Variants in DAPK1 observed in about 807,000 individuals in gnomAD.
DAPK1 encodes the protein death associated protein kinase 1, also known as death-associated protein kinase 1.
DAPK1 carries 56 observed loss-of-function variants against 144.9 expected under a neutral mutation model. That is an observed-to-expected ratio of 0.39 (90% confidence interval 0.31 to 0.48). The LOEUF is 0.48. Among genes scored for constraint, DAPK1 ranks in the 20% least tolerant of loss-of-function variants. DAPK1 has a pLI of 0.95. For synonymous variants in DAPK1, 690 were observed against 749.0 expected (o/e 0.92, Z 1.29); for missense variants, 1,454 against 1,875.4 (o/e 0.78, Z 4.15).
intron 2 of DAPK1, among the ~76,000 whole-genome samples, chr9:87,516,506 G>A (rs1318193629): frequency 6.6e-6 from 1 of 152,018 alleles, no homozygotes; most frequent in Non-Finnish European, 1.5e-5. Context: ...TATCCTGCTT[G>A]CTGTCTTGGT....
chr9:87,518,974 A>G (rs1052409232), intron 2 of DAPK1, among the ~76,000 whole-genome samples: 1 of 152,174 alleles, frequency 6.6e-6, no homozygotes, highest in African/African-American at 2.4e-5. Context: ...CGCAGGAAGC[A>G]CTGCTCTGAG....
rs1244151226 is a variant in DAPK1, at chr9:87,696,929, G to A, written c.2414-78G>A. On this transcript the variant is annotated intron_variant, in intron 21 of 25. Transcript: ENST00000408954. ...GTATCACTATGCCTACTTCGAATCC[G>A]TGGAACGCTAAGAGAATTTATGATT... 18 of 809,620 alleles carry A rather than the reference G, an allele frequency of 2.2e-5. No homozygotes were observed. In the East Asian group the frequency reaches 2.7e-4, roughly 12 times the overall value. 50.2% of individuals were successfully genotyped at this position (809,620 alleles called of 1,614,324 possible).
intron 2 of DAPK1, among the ~76,000 whole-genome samples, chr9:87,563,209 A>G (rs12001404): frequency 0.23 from 35,373 of 152,222 alleles, 4,640 homozygotes; most frequent in Non-Finnish European, 0.31. Context: ...TAAGTTTATA[A>G]GTACATGCAT....
chr9:87,632,249 G>A, intron 3 of DAPK1: 1 of 982,116 alleles, frequency 1.0e-6, no homozygotes, highest in Non-Finnish European at 1.2e-6. Flanking sequence ...ATATAGGAGT[G>A]AAGGGTGATC....
chr9:87,632,515 T>G lies in DAPK1; in HGVS notation c.285-5428T>G, dbSNP rs80206277. 2.0e-3 allele frequency: 1,905 copies of G among 967,224 alleles called. 43 individuals are homozygous for G. The East Asian group carries it at 0.061, about 31-fold the overall frequency. The allele number at this position is 967,224 out of a possible 1,614,324, so 59.9% of individuals were successfully genotyped here. A position where few individuals can be genotyped will look rare whatever the true frequency, so the allele number is the denominator to read the frequency against. On this transcript the variant is annotated intron_variant, in intron 3 of 25. Coordinates refer to ENST00000408954, the MANE Select transcript of DAPK1 (RefSeq NM_004938.4). ...ATGTAGGGATGAAGGAAGATGACAA[T>G]ATATATAGAAATGAAGGAAGATGAG...
At chr9:87,651,193 T>C (rs546649381) in intron 16 of DAPK1, among the ~76,000 whole-genome samples, 2 of 152,366 alleles carry the variant, frequency 1.3e-5, no homozygotes, top group South Asian at 4.1e-4. Flanking sequence ...CAAATGTTTT[T>C]AAAAGTGTTT....
intron 2 of DAPK1, among the ~76,000 whole-genome samples, chr9:87,510,275 G>T (rs1272635871): frequency 6.6e-6 from 1 of 152,138 alleles, no homozygotes; most frequent in South Asian, 2.1e-4. Flanking sequence ...AGTGTGATTT[G>T]GGCATTGAAT....
intron 2 of DAPK1, among the ~76,000 whole-genome samples, chr9:87,558,506 A>G (rs4878100): frequency 0.71 from 101,940 of 143,712 alleles, 35,718 homozygotes; most frequent in African/African-American, 0.88. Flanking sequence ...ATAAGTACAC[A>G]TATGCACACA....
intron 2 of DAPK1, among the ~76,000 whole-genome samples, chr9:87,517,438 C>T (rs921066987): frequency 6.6e-6 from 1 of 152,114 alleles, no homozygotes; most frequent in African/African-American, 2.4e-5. Context: ...CCACTGTTCT[C>T]TCCCCCACCT....
At chr9:87,602,714 A>C (rs1316825437) in intron 2 of DAPK1, among the ~76,000 whole-genome samples, 3 of 151,614 alleles carry the variant, frequency 2.0e-5, no homozygotes, top group Non-Finnish European at 4.4e-5. Context: ...GCTCACTGCA[A>C]GCTCCACCTC....
intron 21 of DAPK1, among the ~76,000 whole-genome samples, chr9:87,695,696 T>C (rs1410482142): frequency 4.6e-5 from 7 of 152,216 alleles, no homozygotes; most frequent in Non-Finnish European, 7.3e-5. Context: ...CTCACACCCC[T>C]GCATGCTTCT....
chr9:87,694,955 CAG>C (rs915730583), intron 21 of DAPK1, among the ~76,000 whole-genome samples: 18 of 152,218 alleles, frequency 1.2e-4, no homozygotes, highest in Non-Finnish European at 1.8e-4. Flanking sequence ...CAGCTAATCT[CAG>C]GGCCCACATG....
intron 18 of DAPK1, among the ~76,000 whole-genome samples, chr9:87,662,383 T>C (rs1287929540): frequency 6.6e-6 from 1 of 152,098 alleles, no homozygotes; most frequent in Non-Finnish European, 1.5e-5. Flanking sequence ...TTGATGGAGA[T>C]TGCATTGAAT....
In DAPK1 at chr9:87,498,963, TCAAAA is replaced by T; in HGVS notation, c.-108-6_-108-2del. The T allele has an allele frequency of 1.3e-6, 1 of 753,818 alleles. No homozygotes were observed. Among genetic ancestry groups the T allele is most frequent in the Non-Finnish European group, 2.3e-6 (1 of 441,086 alleles). The allele number at this position is 753,818 out of a possible 1,614,324, so 46.7% of individuals were successfully genotyped here. A position where few individuals can be genotyped will look rare whatever the true frequency, so the allele number is the denominator to read the frequency against. On this transcript the variant is annotated splice_acceptor_variant and splice_polypyrimidine_tract_variant and intron_variant, in intron 1 of 25. Coordinates refer to ENST00000408954, the MANE Select transcript of DAPK1 (RefSeq NM_004938.4). LOFTEE classifies it low-confidence loss of function (5UTR_SPLICE). ...TATTATTATTGCCTTTTTTTTTTCT[TCAAAA>T]GGACTGGAGACTGATGCATGAGGGG... is the stretch of plus-strand genomic sequence containing the variant.
chr9:87,572,188 C>G (rs1827386839), intron 2 of DAPK1, among the ~76,000 whole-genome samples: 1 of 152,360 alleles, frequency 6.6e-6, no homozygotes, highest in Non-Finnish European at 1.5e-5. Flanking sequence ...AGCTGGCATT[C>G]ATTAACATAT....
chr9:87,650,604 G>C (rs1392789669), intron 16 of DAPK1: 1 of 187,294 alleles, frequency 5.3e-6, no homozygotes, highest in Non-Finnish European at 1.1e-5. Flanking sequence ...ATTGTGATCT[G>C]TACTTAAAAC....
chr9:87,662,179 A>ATTTTTTTTTTTTTTTTTTTTTTT, intron 18 of DAPK1, among the ~76,000 whole-genome samples: 1 of 151,946 alleles, frequency 6.6e-6, no homozygotes, highest in African/African-American at 2.4e-5. Context: ...GTTCTATTCC[A>ATTTTTTTTTTTTTTTTTTTTTTT]TTATCTGTTT....
At chr9:87,554,635 C>T (rs904535404) in intron 2 of DAPK1, among the ~76,000 whole-genome samples, 1 of 152,124 alleles carries the variant, frequency 6.6e-6, no homozygotes, top group East Asian at 1.9e-4. Flanking sequence ...GTAGATCCCT[C>T]GGCAGTAATG....
rs1564000666 is a variant in DAPK1, at chr9:87,571,456, CACACACACACACACACACCA to C, written c.63-33478_63-33459del. Among the ~76,000 whole-genome samples the C allele has an allele frequency of 1.5e-3, 98 of 65,674 alleles. 1 individual carries two copies. Among genetic ancestry groups the C allele is most frequent in the African/African-American group, 1.9e-3 (23 of 12,248 alleles). 43.1% of individuals were successfully genotyped at this position (65,674 alleles called of 152,430 possible). ...CCCCCAACACACACACACACACACA[CACACACACACACACACACCA>C]ACACACACACACACACACCCCAACA... On this transcript the variant is annotated intron_variant, in intron 2 of 25. Coordinates refer to ENST00000408954, the MANE Select transcript of DAPK1 (RefSeq NM_004938.4).
Sources: allele counts gnomAD v4.1 joint callset (sites outside exome capture counted in the v4.1 genomes callset), GRCh38; gene constraint gnomAD v4.1.1; transcripts MANE v1.5; gene names NCBI Gene and HGNC (gene_info 2026-07-23, HGNC 2026-07-21).